The following NRXN3 variants were observed in gnomAD, a reference collection of about 807,000 sequenced individuals.
The protein encoded by NRXN3 is neurexin III.
NRXN3 carries 32 observed loss-of-function variants against 137.6 expected under a neutral mutation model. The ratio of observed to expected loss-of-function variants is 0.23; its 90% confidence interval spans 0.18 to 0.31. NRXN3 has a LOEUF of 0.31. Among genes scored for constraint, NRXN3 ranks in the 10% least tolerant of loss-of-function variants. NRXN3 has a pLI of 1.00. For synonymous variants in NRXN3, 798 were observed against 784.5 expected, an observed-to-expected ratio of 1.02 and a Z score of -0.29; for missense variants, 1,574 against 2,062.5, an observed-to-expected ratio of 0.76 and a Z score of 4.59.
intron 15 of NRXN3, among the ~76,000 whole-genome samples, chr14:79,160,922 G>A (rs183752129): frequency 1.3e-5 from 2 of 152,002 alleles, no homozygotes; most frequent in South Asian, 2.1e-4. Context: ...TCTGTAACTA[G>A]CCTGTTTATA....
chr14:79,274,610 T>C (rs1402921449), intron 15 of NRXN3, among the ~76,000 whole-genome samples: 1 of 143,010 alleles, frequency 7.0e-6, no homozygotes, highest in African/African-American at 2.8e-5. Context: ...GCCCTGCCTT[T>C]GAGTAAAAGA....
intron 15 of NRXN3, among the ~76,000 whole-genome samples, chr14:79,113,393 C>A (rs1476230650): frequency 1.3e-5 from 2 of 152,152 alleles, no homozygotes; most frequent in African/African-American, 4.8e-5. Context: ...ATTGCTCAGT[C>A]CAACAGCACT....
chr14:79,172,592 A>G (rs952641587), intron 15 of NRXN3, among the ~76,000 whole-genome samples: 32 of 152,202 alleles, frequency 2.1e-4, no homozygotes, highest in African/African-American at 7.5e-4. Flanking sequence ...ATATTTTTAA[A>G]CTATAAAAAT....
chr14:78,188,834 G>A (rs2060465190), intron 1 of NRXN3, among the ~76,000 whole-genome samples: 2 of 152,060 alleles, frequency 1.3e-5, no homozygotes, highest in African/African-American at 2.4e-5. Flanking sequence ...TGGGAATATT[G>A]AGGAGTTATC....
chr14:78,986,762 C>T (rs1204230596), intron 14 of NRXN3, among the ~76,000 whole-genome samples: 3 of 152,050 alleles, frequency 2.0e-5, no homozygotes, highest in African/African-American at 7.2e-5. Context: ...GTGGTTCACA[C>T]CTGTAATCCC....
intron 15 of NRXN3, among the ~76,000 whole-genome samples, chr14:79,037,509 G>A (rs928740133): frequency 6.6e-6 from 1 of 152,074 alleles, no homozygotes; most frequent in South Asian, 2.1e-4. Context: ...TAAAATCGGG[G>A]TGAAGCAAGG....
At position 78,296,850 on chromosome 14, in the gene NRXN3, C is replaced by G. The variant is rs2076394610; in HGVS notation, c.728-981C>G. 2.0e-5 allele frequency among the ~76,000 whole-genome samples: 3 copies of G among 151,964 alleles called. No individual in the cohort carries two copies. The South Asian group carries it at 6.2e-4, about 32-fold the overall frequency. On this transcript the variant is annotated intron_variant, in intron 3 of 20. Coordinates refer to ENST00000335750, the MANE Select transcript of NRXN3 (RefSeq NM_001330195.2). ...TTTTCCTTTATTAATCCCCTATATC[C>G]CTGAATTTTGCTCAGAGTAAGGTTC...
chr14:78,737,110 G>T (rs1346128397), intron 8 of NRXN3, among the ~76,000 whole-genome samples: 2 of 152,150 alleles, frequency 1.3e-5, no homozygotes, highest in African/African-American at 4.8e-5. Context: ...TAGTTGCTGA[G>T]AATGTAAAGA....
chr14:78,852,227 C>A (rs1321589380), intron 10 of NRXN3, among the ~76,000 whole-genome samples: 1 of 152,140 alleles, frequency 6.6e-6, no homozygotes, highest in Non-Finnish European at 1.5e-5. Flanking sequence ...GCTTACACAT[C>A]CATCATTGTT....
At chr14:78,316,809 G>C (rs564613411) in intron 4 of NRXN3, among the ~76,000 whole-genome samples, 22 of 151,996 alleles carry the variant, frequency 1.4e-4, no homozygotes, top group Non-Finnish European at 3.2e-4. Context: ...TTTTTGGCTT[G>C]ACTTTCTTGG....
intron 20 of NRXN3, among the ~76,000 whole-genome samples, chr14:79,847,998 C>T (rs1050579791): frequency 4.0e-5 from 6 of 151,498 alleles, no homozygotes; most frequent in East Asian, 1.9e-4. Context: ...AATCTTTATG[C>T]TTATTTGGTG....
At chr14:78,470,027 T>A (rs1022384264) in intron 4 of NRXN3, among the ~76,000 whole-genome samples, 1 of 152,192 alleles carries the variant, frequency 6.6e-6, no homozygotes, top group African/African-American at 2.4e-5. Flanking sequence ...AATATCTGGG[T>A]TTTTTTCCAT....
intron 15 of NRXN3, among the ~76,000 whole-genome samples, chr14:79,395,777 C>G (rs981785254): frequency 7.3e-5 from 11 of 150,252 alleles, no homozygotes; most frequent in African/African-American, 2.7e-4. Flanking sequence ...CCACTGCACT[C>G]CCCGCTGGGT....
chr14:78,967,148 T>G, intron 12 of NRXN3, 60 bp from the exon 13 acceptor site: 1 of 1,453,292 alleles, frequency 6.9e-7, no homozygotes, highest in Non-Finnish European at 9.4e-7. Flanking sequence ...TACACACATA[T>G]AGCCATTAAA....
At chr14:78,244,323 G>A (rs1489754493) in intron 2 of NRXN3, among the ~76,000 whole-genome samples, 3 of 152,132 alleles carry the variant, frequency 2.0e-5, no homozygotes, top group South Asian at 2.1e-4. Flanking sequence ...ACAGCTACTC[G>A]CAAGGCTGAG....
chr14:79,462,816 CAAAT>C (rs564742579), intron 15 of NRXN3, among the ~76,000 whole-genome samples: 421 of 72,806 alleles, frequency 5.8e-3, no homozygotes, highest in African/African-American at 0.032. Context: ...CACACATAGA[CAAAT>C]ATATATATGC....
chr14:78,988,406 C>G, intron 15 of NRXN3: 1 of 424,614 alleles, frequency 2.4e-6, no homozygotes, highest in East Asian at 4.7e-5. Context: ...ACAATAACCA[C>G]AGCAGCAAAC....
In NRXN3 at chr14:78,927,125, G is replaced by A. The variant is rs544940307; in HGVS notation, c.2276-30117G>A. On this transcript the variant is annotated intron_variant, in intron 10 of 20. Coordinates refer to ENST00000335750, the MANE Select transcript of NRXN3 (RefSeq NM_001330195.2). The stretch of plus-strand genomic sequence containing the variant: ...AGTCGTGATTGTGCCACTGCACTCC[G>A]GCCTAAGTGTTGGAGTGAGACCCTC... 2.2e-3 allele frequency among the ~76,000 whole-genome samples: 277 copies of A among 126,188 alleles called. 1 individual carries two copies. Among genetic ancestry groups the A allele is most frequent in the African/African-American group, 8.0e-3 (251 of 31,542 alleles). The allele number at this position is 126,188 out of a possible 152,430, so 82.8% of individuals were successfully genotyped here.
In NRXN3 at chr14:79,353,374, G is replaced by C. The variant is rs543534682; in HGVS notation, c.3263-113847G>C. Among the ~76,000 whole-genome samples, 12 of 152,100 alleles carry C rather than the reference G, an allele frequency of 7.9e-5. No individual in the cohort carries two copies. In the South Asian group the frequency reaches 2.5e-3, roughly 32 times the overall value. On this transcript the variant is annotated intron_variant, in intron 15 of 20. Transcript: ENST00000335750. ...TATAATGAGTATGTATTAAGGGGAAGATATATGCTGAGCTTCCTCTTGCCT... is the reference window on the plus strand; with the variant it reads ...TATAATGAGTATGTATTAAGGGGAACATATATGCTGAGCTTCCTCTTGCCT...
Sources: gnomAD v4.1 joint callset for allele counts (sites outside exome capture counted in the v4.1 genomes callset) on GRCh38, gnomAD v4.1.1 for gene constraint, MANE v1.5 for transcripts, NCBI Gene and HGNC (gene_info 2026-07-23, HGNC 2026-07-21) for gene names.